Variants in CNTNAP5 observed in about 807,000 individuals in gnomAD.
CNTNAP5 encodes the protein contactin associated protein family member 5.
In CNTNAP5, 72 loss-of-function variants were observed where a neutral mutation model predicts 150.2. That is an observed-to-expected ratio of 0.48 (90% CI 0.40 to 0.58). The LOEUF is 0.58. CNTNAP5 is among the 20% of genes least tolerant of loss of function. The probability of loss-of-function intolerance (pLI) is 0.00; values close to 1 mark genes in which losing one functional copy is unlikely to be tolerated. For missense variants in CNTNAP5, 1,636 were observed against 1,626.2 expected, an observed-to-expected ratio of 1.01 and a Z score of -0.10; for synonymous variants, 672 against 619.8, an observed-to-expected ratio of 1.08 and a Z score of -1.25.
intron 13 of CNTNAP5, among the ~76,000 whole-genome samples, chr2:124,676,640 G>A (rs151280627): frequency 5.3e-5 from 8 of 152,282 alleles, no homozygotes; most frequent in African/African-American, 1.9e-4. Flanking sequence ...ATTTGAGGAG[G>A]CTACCAAACT....
chr2:124,492,949 T>G (rs537733412), intron 7 of CNTNAP5, among the ~76,000 whole-genome samples: 7 of 152,302 alleles, frequency 4.6e-5, no homozygotes, highest in Non-Finnish European at 8.8e-5. Flanking sequence ...TTTGGATTTT[T>G]TAATAATTTT....
chr2:124,343,966 G>A (rs1438808179), intron 3 of CNTNAP5, among the ~76,000 whole-genome samples: 3 of 152,030 alleles, frequency 2.0e-5, no homozygotes, highest in East Asian at 1.9e-4. Context: ...TATACTAACC[G>A]GTTCTTGTTG....
chr2:124,875,415 T>A lies in CNTNAP5; in HGVS notation c.3436+5653T>A, dbSNP rs146514418. On this transcript the variant is annotated intron_variant, in intron 21 of 23. Transcript: ENST00000682447. ...TAAACCAGGAAGCAAAATTCTACAG[T>A]GGAAGATGCTCAGCTTTTTGGAGAC... 9.4e-4 allele frequency among the ~76,000 whole-genome samples: 143 copies of A among 152,190 alleles called. 2 individuals are homozygous for A. Among genetic ancestry groups the A allele is most frequent in the African/African-American group, 3.1e-3 (129 of 41,544 alleles).
intron 6 of CNTNAP5, among the ~76,000 whole-genome samples, chr2:124,448,747 C>G (rs1428073367): frequency 1.3e-5 from 2 of 152,126 alleles, no homozygotes; most frequent in African/African-American, 2.4e-5. Flanking sequence ...GACAGAGACT[C>G]TAAGTGCTAC....
intron 3 of CNTNAP5, among the ~76,000 whole-genome samples, chr2:124,380,482 A>G (rs909653887): frequency 1.3e-5 from 2 of 152,198 alleles, no homozygotes; most frequent in Non-Finnish European, 2.9e-5. Flanking sequence ...TGGAAATCAC[A>G]GGAGCCTAGC....
At chr2:124,406,609 A>G (rs1301870249) in intron 3 of CNTNAP5, among the ~76,000 whole-genome samples, 2 of 152,220 alleles carry the variant, frequency 1.3e-5, no homozygotes, top group African/African-American at 4.8e-5. Flanking sequence ...TGCATGTGAT[A>G]TTTTGATACA....
At chr2:124,091,598 G>A (rs1357070942) in intron 1 of CNTNAP5, among the ~76,000 whole-genome samples, 4 of 152,114 alleles carry the variant, frequency 2.6e-5, no homozygotes, top group African/African-American at 7.2e-5. Flanking sequence ...CAATAACTGT[G>A]AGTTTATATC....
In CNTNAP5 at chr2:124,025,561, C is replaced by A; in HGVS notation, c.-90C>A. The stretch of plus-strand genomic sequence containing the variant: ...CAAGCGGGGGTGGGAGGGGGTCAGG[C>A]TGTGCAGAGGAGAGAGACAGCGAGA... On this transcript the variant is annotated 5_prime_UTR_variant, in exon 1 of 24. In the 5' UTR this introduces an upstream ATG that the reference lacks. Coordinates refer to ENST00000682447, the MANE Select transcript of CNTNAP5 (RefSeq NM_001367498.1). 1.8e-6 allele frequency: 2 copies of A among 1,130,778 alleles called. No individual in the cohort carries two copies. Among genetic ancestry groups the A allele is most frequent in the South Asian group, 1.2e-5 (1 of 80,400 alleles). 70.0% of individuals were successfully genotyped at this position (1,130,778 alleles called of 1,614,324 possible). A position where few individuals can be genotyped will look rare whatever the true frequency, so the allele number is the denominator to read the frequency against.
intron 19 of CNTNAP5, among the ~76,000 whole-genome samples, chr2:124,844,866 T>C (rs889569824): frequency 7.9e-5 from 12 of 152,118 alleles, no homozygotes; most frequent in African/African-American, 2.2e-4. Context: ...TTATGGGAGC[T>C]TTTTGGATGA....
rs909269261 is a variant in CNTNAP5, at chr2:124,574,099, CT to C, written c.1756+10777del. Among the ~76,000 whole-genome samples, 5 of 152,144 alleles carry C rather than the reference CT, an allele frequency of 3.3e-5. 1 individual carries two copies. The highest frequency in any genetic ancestry group is 1.2e-4 in the African/African-American group (5 of 41,430). ...TACTATACATTTTTTATACTATAGA[CT>C]ACCAAATAGAGGTTAGGTTTTGGCA... is the stretch of plus-strand genomic sequence containing the variant. On this transcript the variant is annotated intron_variant, in intron 11 of 23. Transcript: ENST00000682447.
intron 23 of CNTNAP5, among the ~76,000 whole-genome samples, chr2:124,913,044 A>G (rs1205616481): frequency 6.6e-6 from 1 of 151,632 alleles, no homozygotes; most frequent in Non-Finnish European, 1.5e-5. Context: ...CCTCAGTTCT[A>G]AAAAAAATTG....
intron 1 of CNTNAP5, among the ~76,000 whole-genome samples, chr2:124,071,999 C>T (rs11691642): frequency 0.29 from 43,385 of 151,628 alleles, 6,569 homozygotes; most frequent in Admixed American, 0.36. Context: ...ACTAGCAAAC[C>T]GAATTCCACA....
intron 1 of CNTNAP5, among the ~76,000 whole-genome samples, chr2:124,035,949 G>A (rs569231764): frequency 0.024 from 2,702 of 113,060 alleles, 45 homozygotes; most frequent in Middle Eastern, 0.085. Flanking sequence ...ACGGAGTCTC[G>A]CTCTGTCGCC....
chr2:124,218,277 C>G (rs1205161076), intron 1 of CNTNAP5, among the ~76,000 whole-genome samples: 1 of 151,990 alleles, frequency 6.6e-6, no homozygotes, highest in African/African-American at 2.4e-5. Flanking sequence ...GAACATTAGG[C>G]AAAAATAGGC....
At chr2:124,791,693 CT>C (rs538796535) in intron 18 of CNTNAP5, among the ~76,000 whole-genome samples, 2,441 of 115,384 alleles carry the variant, frequency 0.021, 20 homozygotes, top group African/African-American at 0.045. Context: ...AGCCTAATTT[CT>C]TTTTTTTTTT....
intron 13 of CNTNAP5, among the ~76,000 whole-genome samples, chr2:124,651,784 G>T (rs1481198380): frequency 6.6e-6 from 1 of 152,188 alleles, no homozygotes; most frequent in African/African-American, 2.4e-5. Context: ...GGAGTTGTCA[G>T]GGTTGCCTGA....
At chr2:124,504,913 G>T (rs999504111) in intron 8 of CNTNAP5, among the ~76,000 whole-genome samples, 1 of 151,748 alleles carries the variant, frequency 6.6e-6, no homozygotes, top group Non-Finnish European at 1.5e-5. Flanking sequence ...TCACCATGTT[G>T]GCCAGGATGG....
At chr2:124,407,044 A>G (rs1284021531) in intron 3 of CNTNAP5, among the ~76,000 whole-genome samples, 1 of 152,114 alleles carries the variant, frequency 6.6e-6, no homozygotes. Flanking sequence ...ATCCTTTTTT[A>G]TGGCTGAATA....
At chr2:124,597,430 G>C (rs1238571007) in intron 11 of CNTNAP5, among the ~76,000 whole-genome samples, 3 of 148,288 alleles carry the variant, frequency 2.0e-5, no homozygotes, top group African/African-American at 7.4e-5. Context: ...ATGAAATTCT[G>C]GGTTGAAAAT....
Sources: gnomAD v4.1 joint callset for allele counts (sites outside exome capture counted in the v4.1 genomes callset) on GRCh38, gnomAD v4.1.1 for gene constraint, MANE v1.5 for transcripts, NCBI Gene and HGNC (gene_info 2026-07-23, HGNC 2026-07-21) for gene names.